Variants in CRACDL observed in about 807,000 individuals in gnomAD.
The protein encoded by CRACDL is CRACD-like protein.
In CRACDL, 26 loss-of-function variants were observed where a neutral mutation model predicts 70.6. The observed-to-expected ratio is 0.37, with a 90% CI of 0.27 to 0.51. The LOEUF (loss-of-function observed/expected upper bound fraction) is 0.51, where lower values mean the gene tolerates loss of function less well. CRACDL is among the 20% of genes least tolerant of loss of function. The probability of loss-of-function intolerance (pLI) is 0.94; values close to 1 mark genes in which losing one functional copy is unlikely to be tolerated. For missense variants in CRACDL, 1,283 were observed against 1,376.9 expected, an observed-to-expected ratio of 0.93 and a Z score of 1.08; for synonymous variants, 618 against 615.2, an observed-to-expected ratio of 1.00 and a Z score of -0.07.
rs1404861267 is a variant in CRACDL, at chr2:98,822,009, G to A, written c.2264C>T (p.Pro755Leu). Residue 755 changes from proline to leucine, a missense_variant, in exon 7 of 10, where the codon CCG (proline) becomes CTG (leucine). Pro to Leu is a moderately conservative substitution (Grantham distance 98). Transcript: ENST00000397899. The surrounding 1 kb of genome is among the most constrained non-coding windows in gnomAD (Gnocchi z 4.9). ...QGKGKARPPE[P>L]LSSKPPLPRK... ...GGGCAGGGGCGGCTTGGAGCTGAGC[G>A]GCTCGGGGGGCCGGGCCTTCCCCTT... 1.3e-6 allele frequency: 2 copies of A among 1,537,076 alleles called. No individual in the cohort carries two copies. The highest frequency in any genetic ancestry group is 1.8e-6 in the Non-Finnish European group (2 of 1,141,388).
intron 1 of CRACDL, among the ~76,000 whole-genome samples, chr2:98,860,003 C>T (rs1706874801): frequency 1.3e-5 from 2 of 152,098 alleles, no homozygotes; most frequent in Non-Finnish European, 2.9e-5. Flanking sequence ...TTTCTACATA[C>T]TAGCAATGAA....
At chr2:98,828,767 C>T (rs1289536430) in intron 5 of CRACDL, among the ~76,000 whole-genome samples, 1 of 152,188 alleles carries the variant, frequency 6.6e-6, no homozygotes, top group Non-Finnish European at 1.5e-5. Context: ...TTTAGCTACT[C>T]AGGTACTTAC....
chr2:98,883,004 G>A (rs189358857), intron 1 of CRACDL, among the ~76,000 whole-genome samples: 64 of 152,292 alleles, frequency 4.2e-4, no homozygotes, highest in African/African-American at 1.5e-3. Flanking sequence ...TCCCCTGCAC[G>A]TGCCCAGTGT....
chr2:98,892,408 A>T, intron 1 of CRACDL, among the ~76,000 whole-genome samples: 1 of 152,078 alleles, frequency 6.6e-6, no homozygotes, highest in Non-Finnish European at 1.5e-5. Flanking sequence ...AGATCTGAGC[A>T]GGCCAGGCGT....
intron 1 of CRACDL, among the ~76,000 whole-genome samples, chr2:98,849,048 AG>A (rs1213316972): frequency 6.6e-6 from 1 of 152,222 alleles, no homozygotes; most frequent in Non-Finnish European, 1.5e-5. Flanking sequence ...CACCTCTTGC[AG>A]GTGCTGACCC....
At chr2:98,795,015 G>T (rs1703738605) in intron 9 of CRACDL, among the ~76,000 whole-genome samples, 1 of 128,308 alleles carries the variant, frequency 7.8e-6, no homozygotes, top group Admixed American at 8.6e-5. Flanking sequence ...GGTAAATTCT[G>T]TTATGTGCCC....
chr2:98,884,940 G>A (rs904573184), intron 1 of CRACDL, among the ~76,000 whole-genome samples: 3 of 152,214 alleles, frequency 2.0e-5, no homozygotes, highest in Non-Finnish European at 4.4e-5. Flanking sequence ...CAGGAGGATG[G>A]ACTTGGGCCT....
At chr2:98,866,142 A>G (rs181253548) in intron 1 of CRACDL, among the ~76,000 whole-genome samples, 3 of 152,322 alleles carry the variant, frequency 2.0e-5, no homozygotes, top group Admixed American at 2.0e-4. Context: ...GAAACTAGAG[A>G]ATATTCAGAT....
chr2:98,879,918 G>A (rs1276701956), intron 1 of CRACDL, among the ~76,000 whole-genome samples: 1 of 152,184 alleles, frequency 6.6e-6, no homozygotes, highest in Non-Finnish European at 1.5e-5. Flanking sequence ...CCATGGGGGT[G>A]GACACAGTAT....
intron 1 of CRACDL, among the ~76,000 whole-genome samples, 174 bp from the exon 2 acceptor site, chr2:98,846,984 A>G (rs1231484705): frequency 6.6e-6 from 1 of 152,224 alleles, no homozygotes; most frequent in Admixed American, 6.5e-5. Context: ...CAGCCACAAG[A>G]TCAGTAACCG....
chr2:98,822,722 AGCGGCAAGCGGCGGGGACGCG>A lies in CRACDL; in HGVS notation c.1530_1550del (p.Ser512_Ala518del). On this transcript the variant is annotated inframe_deletion, in exon 7 of 10. Coordinates refer to ENST00000397899, the MANE Select transcript of CRACDL (RefSeq NM_207362.3). This position sits in a 1 kb window ranked among gnomAD's most constrained non-coding sequence, Gnocchi z 4.9. ...CGGGCTCCACCGGGGGAGACTCCGCAGCGGCAAGCGGCGGGGACGCGGCGGGGCCCTCGCTGGCGGCCGCGG... is the reference window on the plus strand; with the variant it reads ...CGGGCTCCACCGGGGGAGACTCCGCAGCGGGGCCCTCGCTGGCGGCCGCGG... The A allele has an allele frequency of 7.9e-7, 1 of 1,258,538 alleles. No individual in the cohort carries two copies. Among genetic ancestry groups the A allele is most frequent in the South Asian group, 3.2e-5 (1 of 31,436 alleles). 78.0% of individuals were successfully genotyped at this position (1,258,538 alleles called of 1,614,324 possible).
At position 98,822,563 on chromosome 2, in the gene CRACDL, G is replaced by A; in HGVS notation, c.1710C>T (p.Gly570=). The A allele has an allele frequency of 2.0e-6, 3 of 1,463,766 alleles. No homozygotes were observed. Among genetic ancestry groups the A allele is most frequent in the Admixed American group, 2.5e-5 (1 of 39,920 alleles). The allele number at this position is 1,463,766 out of a possible 1,614,324, so 90.7% of individuals were successfully genotyped here. A position where few individuals can be genotyped will look rare whatever the true frequency, so the allele number is the denominator to read the frequency against. ...ACGAGGACACCGAGAACTTCTTCGC[G>A]CCTCGCAGCTCGGCACCGCCCCTCT... The part of the protein sequence containing the change: ...KAERGGAELR[G]AKKFSVSSCR... The change falls in exon 7 of 10, where the codon GGC becomes GGT. Residue 570 remains glycine (G), a synonymous_variant. Coordinates refer to ENST00000397899, the MANE Select transcript of CRACDL (RefSeq NM_207362.3). This position sits in a 1 kb window ranked among gnomAD's most constrained non-coding sequence, Gnocchi z 4.9.
rs987926504 is a variant in CRACDL, at chr2:98,910,117, C to T, written c.-11+25821G>A. Reference sequence around the variant, plus strand: ...CCAGCTGCTCCTACCTGCAGGAAGCCGATTTCAGAGACCTCTTACCAAGGG... The same window carrying T: ...CCAGCTGCTCCTACCTGCAGGAAGCTGATTTCAGAGACCTCTTACCAAGGG... On this transcript the variant is annotated intron_variant, in intron 1 of 9. Transcript: ENST00000397899. 5.3e-5 allele frequency among the ~76,000 whole-genome samples: 8 copies of T among 152,238 alleles called. No homozygotes were observed. The East Asian group carries it at 1.2e-3, about 22-fold the overall frequency.
At chr2:98,899,920 A>G (rs1399107458) in intron 1 of CRACDL, among the ~76,000 whole-genome samples, 2 of 114,284 alleles carry the variant, frequency 1.8e-5, no homozygotes, top group East Asian at 2.9e-4. Flanking sequence ...GGGGAGGCAG[A>G]TGGACAGAGG....
chr2:98,848,670 ACC>A (rs2104541104), intron 1 of CRACDL, among the ~76,000 whole-genome samples: 1 of 151,990 alleles, frequency 6.6e-6, no homozygotes, highest in East Asian at 1.9e-4. Flanking sequence ...TGCATCCTCA[ACC>A]TCCTGGGCTC....
chr2:98,934,666 A>G (rs988038672), intron 1 of CRACDL, among the ~76,000 whole-genome samples: 3 of 152,164 alleles, frequency 2.0e-5, no homozygotes, highest in Non-Finnish European at 4.4e-5. Context: ...AGAGAGTAAG[A>G]ACTTGACTCG....
At chr2:98,867,199 A>T (rs1339081733) in intron 1 of CRACDL, among the ~76,000 whole-genome samples, 1 of 152,254 alleles carries the variant, frequency 6.6e-6, no homozygotes, top group African/African-American at 2.4e-5. Context: ...GTTTATAAGC[A>T]TATAAATAGT....
chr2:98,806,547 G>A (rs374573223), intron 7 of CRACDL, among the ~76,000 whole-genome samples: 7 of 152,220 alleles, frequency 4.6e-5, no homozygotes, highest in Non-Finnish European at 7.3e-5. Flanking sequence ...GTCAGTGGAG[G>A]AGCTGGACTG....
intron 1 of CRACDL, chr2:98,869,213 CCCACGGGT>C: frequency 7.7e-7 from 1 of 1,302,526 alleles, no homozygotes; most frequent in South Asian, 1.2e-5. Context: ...TGGCCTAGGG[CCCACGGGT>C]CACCACTGGT....
Sources: gnomAD v4.1 joint callset for allele counts (sites outside exome capture counted in the v4.1 genomes callset) on GRCh38, gnomAD v4.1.1 for gene constraint, Gnocchi (gnomAD v3.1) non-coding constraint, MANE v1.5 for transcripts, NCBI Gene and HGNC (gene_info 2026-07-23, HGNC 2026-07-21) for gene names.